The following MTCL2 variants were observed in gnomAD, a reference collection of about 807,000 sequenced individuals.
The protein encoded by MTCL2 is microtubule cross-linking factor 2.
At chr20:36,789,988 A>ATTTT in the MTCL2 span, among the ~76,000 whole-genome samples, 2 of 110,736 alleles carry the variant, frequency 1.8e-5, no homozygotes, top group African/African-American at 3.6e-5. Flanking sequence ...TAATTTTTGT[A>ATTTT]TTTTTTTTTT....
the MTCL2 span, chr20:36,829,115 C>A: frequency 1.3e-6 from 2 of 1,576,430 alleles, no homozygotes; most frequent in Admixed American, 1.8e-5. Flanking sequence ...CTCGATGAGC[C>A]GCTGACGAAG....
the MTCL2 span, among the ~76,000 whole-genome samples, chr20:36,788,806 CTTTTT>C: frequency 2.5e-4 from 35 of 142,602 alleles, no homozygotes; most frequent in South Asian, 3.3e-3. Flanking sequence ...CTTTTCTTTT[CTTTTT>C]TTTTTTTTTT....
the MTCL2 span, among the ~76,000 whole-genome samples, chr20:36,840,840 C>T: frequency 4.6e-5 from 7 of 150,702 alleles, no homozygotes; most frequent in South Asian, 2.1e-4. Flanking sequence ...AGCGAGACTC[C>T]GTCTCAAAAA....
chr20:36,849,841 G>A, the MTCL2 span, among the ~76,000 whole-genome samples: 2 of 152,162 alleles, frequency 1.3e-5, no homozygotes, highest in Non-Finnish European at 2.9e-5. Flanking sequence ...AGCAGCTGGT[G>A]AGCTGTGGGG....
the MTCL2 span, among the ~76,000 whole-genome samples, chr20:36,841,409 A>T: frequency 6.6e-6 from 1 of 152,022 alleles, no homozygotes; most frequent in Non-Finnish European, 1.5e-5. Context: ...GAGTTATATG[A>T]TAGGGTGAGG....
the MTCL2 span, chr20:36,863,071 G>A: frequency 2.9e-6 from 4 of 1,402,838 alleles, no homozygotes; most frequent in Non-Finnish European, 3.7e-6. The surrounding 1 kb of genome is among the most constrained non-coding windows in gnomAD (Gnocchi z 6.2). Context: ...ACCCCGGTGC[G>A]GACCCCGGCC....
the MTCL2 span, among the ~76,000 whole-genome samples, chr20:36,833,362 C>T: frequency 3.9e-5 from 6 of 152,248 alleles, no homozygotes; most frequent in African/African-American, 9.6e-5. Context: ...CTGCGGCTTC[C>T]GAAAACCAGG....
chr20:36,823,689 T>G, the MTCL2 span, among the ~76,000 whole-genome samples: 1 of 151,984 alleles, frequency 6.6e-6, no homozygotes, highest in African/African-American at 2.4e-5. Context: ...GCGCCTATAG[T>G]CCCAACAACT....
the MTCL2 span, among the ~76,000 whole-genome samples, chr20:36,847,948 C>G: frequency 6.6e-6 from 1 of 151,682 alleles, no homozygotes; most frequent in East Asian, 1.9e-4. Context: ...GAGTTCAAGA[C>G]CAGCCTTGGC....
chr20:36,824,804 C>T, the MTCL2 span, among the ~76,000 whole-genome samples: 2 of 151,932 alleles, frequency 1.3e-5, no homozygotes, highest in Admixed American at 1.3e-4. Context: ...AGGCTTGTGT[C>T]ATCAGGTCCA....
chr20:36,822,257 G>A, the MTCL2 span, among the ~76,000 whole-genome samples: 1 of 152,264 alleles, frequency 6.6e-6, no homozygotes, highest in Non-Finnish European at 1.5e-5. Flanking sequence ...CAGGGATGAA[G>A]CCAGTCTCTG....
chr20:36,805,988 G>A, the MTCL2 span: 4 of 1,572,800 alleles, frequency 2.5e-6, no homozygotes, highest in African/African-American at 1.4e-5. Context: ...TTAACAGCAG[G>A]TGGGAAGTTT....
chr20:36,796,351 C>A, the MTCL2 span, among the ~76,000 whole-genome samples: 1 of 152,252 alleles, frequency 6.6e-6, no homozygotes, highest in South Asian at 2.1e-4. Context: ...GCTCCACAGC[C>A]TGTCCCGCCT....
chr20:36,839,325 G>A, the MTCL2 span: 1 of 1,612,854 alleles, frequency 6.2e-7, no homozygotes, highest in Admixed American at 1.7e-5. The surrounding 1 kb of genome is among the most constrained non-coding windows in gnomAD (Gnocchi z 5.1). Flanking sequence ...GCAGGATGCG[G>A]CAGGTCTTGC....
chr20:36,858,311 AACACACACACACACACAC>A, the MTCL2 span, among the ~76,000 whole-genome samples: 198 of 31,778 alleles, frequency 6.2e-3, 4 homozygotes, highest in African/African-American at 0.019. Context: ...AAGGAGGGAA[AACACACACACACACACAC>A]ACACACACAC....
the MTCL2 span, among the ~76,000 whole-genome samples, chr20:36,843,219 T>C: frequency 1.3e-5 from 2 of 152,202 alleles, no homozygotes; most frequent in Non-Finnish European, 2.9e-5. Context: ...GGAGGACTGC[T>C]CTGCTCTTCC....
the MTCL2 span, among the ~76,000 whole-genome samples, chr20:36,788,900 G>A: frequency 4.0e-5 from 6 of 150,116 alleles, no homozygotes; most frequent in African/African-American, 1.5e-4. Context: ...TCTGCCTCCC[G>A]GGTTCGAGCG....
At chr20:36,796,684 G>A in the MTCL2 span, among the ~76,000 whole-genome samples, 2 of 152,160 alleles carry the variant, frequency 1.3e-5, no homozygotes, top group Admixed American at 1.3e-4. Context: ...CTCCTGAGTG[G>A]CTCGGGTTCC....
chr20:36,814,944 C>G, the MTCL2 span, among the ~76,000 whole-genome samples: 3 of 151,960 alleles, frequency 2.0e-5, no homozygotes, highest in Non-Finnish European at 4.4e-5. Context: ...ACTTGTAGTC[C>G]CAGGTACTCA....
Sources: gnomAD v4.1 joint callset for allele counts (sites outside exome capture counted in the v4.1 genomes callset) on GRCh38, gnomAD v4.1.1 for gene constraint, Gnocchi (gnomAD v3.1) non-coding constraint, MANE v1.5 for transcripts, NCBI Gene and HGNC (gene_info 2026-07-23, HGNC 2026-07-21) for gene names.